Variants in GSE1 observed in about 807,000 individuals in gnomAD.
GSE1 encodes Gse1 coiled-coil protein.
GSE1 carries 32 observed loss-of-function variants against 112.6 expected under a neutral mutation model. The observed-to-expected ratio is 0.28, with a 90% CI of 0.21 to 0.38. The LOEUF is 0.38. GSE1 is among the 10% of genes least tolerant of loss of function. The pLI is 1.00. For missense variants in GSE1, 2,348 were observed against 1,699.2 expected, an observed-to-expected ratio of 1.38 and a Z score of -6.71; for synonymous variants, 1,115 against 735.6, an observed-to-expected ratio of 1.52 and a Z score of -8.35.
chr16:85,241,924 C>T (rs1053239789), intron 1 of GSE1, among the ~76,000 whole-genome samples: 3 of 152,010 alleles, frequency 2.0e-5, no homozygotes, highest in Non-Finnish European at 4.4e-5. Flanking sequence ...TGGTGGCTGC[C>T]GGGAGGGGAG....
At chr16:85,310,439 C>G (rs2045806274) in intron 1 of GSE1, among the ~76,000 whole-genome samples, 1 of 152,162 alleles carries the variant, frequency 6.6e-6, no homozygotes, top group Admixed American at 6.5e-5. Context: ...CACAGTGGCT[C>G]TGATCAGCGG....
chr16:85,380,741 A>C (rs137915063), intron 2 of GSE1, among the ~76,000 whole-genome samples: 1 of 152,132 alleles, frequency 6.6e-6, no homozygotes, highest in African/African-American at 2.4e-5. Context: ...GGGGTCCTGC[A>C]TCAAGCCGCA....
At chr16:85,612,124 C>CG (rs1239630706), upstream of GSE1, among the ~76,000 whole-genome samples, 15 of 151,682 alleles carry the variant, frequency 9.9e-5, no homozygotes, top group Admixed American at 3.9e-4. Context: ...CAGAGCCGCC[C>CG]GGGGGGGTTA....
intron 1 of GSE1, among the ~76,000 whole-genome samples, chr16:85,294,525 C>T (rs960346223): frequency 2.0e-5 from 3 of 151,632 alleles, no homozygotes; most frequent in African/African-American, 7.3e-5. Flanking sequence ...CATGTTGGTG[C>T]CTGACAGTTT....
At chr16:85,620,637 CAG>C (rs1480813940) in intron 1 of GSE1, among the ~76,000 whole-genome samples, 3 of 152,282 alleles carry the variant, frequency 2.0e-5, no homozygotes, top group Admixed American at 6.5e-5. Context: ...GATAAGAAAA[CAG>C]GGTTTCGGAA....
At chr16:85,376,903 C>T (rs1007875900) in intron 2 of GSE1, among the ~76,000 whole-genome samples, 4 of 152,230 alleles carry the variant, frequency 2.6e-5, no homozygotes, top group Admixed American at 6.5e-5. Flanking sequence ...CACCGCACAC[C>T]GCACACCCGG....
chr16:85,466,649 C>T (rs1479337386), intron 2 of GSE1, among the ~76,000 whole-genome samples: 4 of 150,480 alleles, frequency 2.7e-5, no homozygotes, highest in East Asian at 2.0e-4. Context: ...GTAAGGAAAG[C>T]GTGCAGAGTT....
At chr16:85,402,001 T>G (rs1484757919) in intron 2 of GSE1, among the ~76,000 whole-genome samples, 2 of 152,234 alleles carry the variant, frequency 1.3e-5, no homozygotes, top group African/African-American at 4.8e-5. Flanking sequence ...GGACAGCAGC[T>G]GCGCTCCATG....
At chr16:85,554,807 G>A (rs1397192986), upstream of GSE1, 5 of 868,488 alleles carry the variant, frequency 5.8e-6, no homozygotes, top group South Asian at 5.3e-5. Flanking sequence ...GGACGGGCGG[G>A]CGGGCGGGCG....
At chr16:85,504,033 T>C (rs1056552416) in intron 2 of GSE1, among the ~76,000 whole-genome samples, 1 of 152,184 alleles carries the variant, frequency 6.6e-6, no homozygotes, top group Admixed American at 6.5e-5. Flanking sequence ...AAAAGCGCCA[T>C]CCTCCGCCCG....
chr16:85,509,134 C>A (rs1015255531), intron 2 of GSE1, among the ~76,000 whole-genome samples: 1 of 152,292 alleles, frequency 6.6e-6, no homozygotes, highest in African/African-American at 2.4e-5. Context: ...GCTGGAAGGC[C>A]GGGCAGAGCG....
chr16:85,226,816 T>TGTGC (rs1567622741), intron 1 of GSE1, among the ~76,000 whole-genome samples: 1 of 113,070 alleles, frequency 8.8e-6, no homozygotes, highest in Non-Finnish European at 1.8e-5. Flanking sequence ...TGTGTGTGTG[T>TGTGC]GAAGGAGGAC....
At chr16:85,484,445 T>C (rs2050772892) in intron 2 of GSE1, among the ~76,000 whole-genome samples, 2 of 151,886 alleles carry the variant, frequency 1.3e-5, no homozygotes, top group South Asian at 4.2e-4. Context: ...ACAGATGGAG[T>C]TGAAGGAGTA....
At chr16:85,474,476 G>A (rs1465094359) in intron 2 of GSE1, among the ~76,000 whole-genome samples, 2 of 152,086 alleles carry the variant, frequency 1.3e-5, no homozygotes, top group East Asian at 1.9e-4. Flanking sequence ...CAGCCCCGGC[G>A]GGGAGTCACA....
intron 2 of GSE1, among the ~76,000 whole-genome samples, chr16:85,463,391 A>T (rs901901282): frequency 6.6e-6 from 1 of 152,198 alleles, no homozygotes; most frequent in African/African-American, 2.4e-5. Flanking sequence ...AACTCTAGGC[A>T]GCCGGGGGAG....
At position 85,348,023 on chromosome 16, in the gene GSE1, T is replaced by C. The variant is rs145981538; in HGVS notation, c.2284-9440T>C. Among the ~76,000 whole-genome samples the C allele has an allele frequency of 3.4e-3, 512 of 152,292 alleles. 2 individuals carry two copies. The highest frequency in any genetic ancestry group is 0.012 in the African/African-American group (491 of 41,560). ...ACTCTTTATGTAGCAAAGGCATTCA[T>C]GGACTTCTTGCGCTAAGTTGGAGTG... is the stretch of plus-strand genomic sequence containing the variant. On this transcript the variant is annotated intron_variant, in intron 1 of 2. Coordinates refer to the GSE1 transcript ENST00000637419.
In GSE1 at chr16:85,522,333, C is replaced by T. The variant is rs368962540; in HGVS notation, c.2465-111581C>T. Reference sequence around the variant, plus strand: ...CTGGGTCAGGTATAAAAGATGTCCACAGCCCAGGGCCCACCCCATAGCCCC... The same window carrying T: ...CTGGGTCAGGTATAAAAGATGTCCATAGCCCAGGGCCCACCCCATAGCCCC... On this transcript the variant is annotated intron_variant, in intron 2 of 2. Coordinates refer to the GSE1 transcript ENST00000637419. 4.7e-4 allele frequency among the ~76,000 whole-genome samples: 72 copies of T among 152,238 alleles called. 1 individual carries two copies. The highest frequency in any genetic ancestry group is 1.6e-3 in the African/African-American group (68 of 41,528).
At chr16:85,237,841 CAAAAAAAAAGAA>C (rs912430733) in intron 1 of GSE1, among the ~76,000 whole-genome samples, 5 of 140,546 alleles carry the variant, frequency 3.6e-5, no homozygotes, top group Non-Finnish European at 7.7e-5. Flanking sequence ...CTGTCCCCCG[CAAAAAAAAAGAA>C]AAAAAAAAAG....
intron 2 of GSE1, among the ~76,000 whole-genome samples, chr16:85,379,005 C>T (rs918305770): frequency 6.6e-6 from 1 of 152,172 alleles, no homozygotes; most frequent in African/African-American, 2.4e-5. Flanking sequence ...GGCCAGACAG[C>T]CTTGGGCAAG....
Sources: gnomAD v4.1 joint callset for allele counts (sites outside exome capture counted in the v4.1 genomes callset) on GRCh38, gnomAD v4.1.1 for gene constraint, MANE v1.5 for transcripts, NCBI Gene and HGNC (gene_info 2026-07-23, HGNC 2026-07-21) for gene names.